Variants in MED27 observed in about 807,000 individuals in gnomAD.
MED27 encodes the protein mediator of RNA polymerase II transcription subunit 27.
Under a neutral mutation model 38.2 loss-of-function variants are expected in MED27, and 30 were observed. That is an observed-to-expected ratio of 0.79 (90% confidence interval 0.59 to 1.07). The LOEUF (loss-of-function observed/expected upper bound fraction) is 1.07. MED27 is among the 50% of genes least tolerant of loss of function. MED27 has a pLI of 0.00. For missense variants in MED27, 289 were observed against 397.5 expected (o/e 0.73, Z 2.32); for synonymous variants, 122 against 153.5 (o/e 0.79, Z 1.52).
chr9:131,926,890 A>G (rs1426567743), intron 4 of MED27, among the ~76,000 whole-genome samples: 1 of 152,232 alleles, frequency 6.6e-6, no homozygotes, highest in Non-Finnish European at 1.5e-5. Flanking sequence ...TAAAATACCA[A>G]TATATATTTT....
chr9:132,022,853 C>T (rs1445905263), intron 2 of MED27, among the ~76,000 whole-genome samples: 1 of 152,118 alleles, frequency 6.6e-6, no homozygotes, highest in Non-Finnish European at 1.5e-5. Flanking sequence ...AACGTAAAAC[C>T]GTCAGATCTC....
At chr9:132,045,221 A>G (rs2131126544) in intron 2 of MED27, among the ~76,000 whole-genome samples, 1 of 152,336 alleles carries the variant, frequency 6.6e-6, no homozygotes, top group South Asian at 2.1e-4. Flanking sequence ...ATAGATACTC[A>G]AGATTGTTCC....
intron 2 of MED27, among the ~76,000 whole-genome samples, chr9:132,054,734 A>G (rs1833539847): frequency 6.6e-6 from 1 of 152,146 alleles, no homozygotes; most frequent in Non-Finnish European, 1.5e-5. Context: ...TAAATTCCCC[A>G]GCCTTGGGTA....
chr9:132,024,250 A>G (rs1832772317), intron 2 of MED27, among the ~76,000 whole-genome samples: 1 of 152,222 alleles, frequency 6.6e-6, no homozygotes, highest in African/African-American at 2.4e-5. Context: ...ACACTCCCTA[A>G]GGCAGGCTTT....
At position 132,004,717 on chromosome 9, in the gene MED27, C is replaced by T. The variant is rs553162856; in HGVS notation, c.479+9620G>A. ...GTCTGTCCAAATTCCACCTGGTTCC[C>T]GGCCATTCAAATACCCAACACTTAC... On this transcript the variant is annotated intron_variant, in intron 3 of 7. Transcript: ENST00000292035. Among the ~76,000 whole-genome samples, 6 of 152,304 alleles carry T rather than the reference C, an allele frequency of 3.9e-5. No individual in the cohort carries two copies. In the South Asian group the frequency reaches 6.2e-4, roughly 16 times the overall value.
rs113494888 is a variant in MED27 at position 131,999,282 on chromosome 9, T to A, written c.479+15055A>T. Among the ~76,000 whole-genome samples the A allele has an allele frequency of 3.5e-3, 534 of 152,248 alleles. 3 individuals are homozygous for A. The highest frequency in any genetic ancestry group is 0.011 in the African/African-American group (477 of 41,546). Reference sequence around the variant, plus strand: ...GCTCAACCATCCATAATGAAGTCTATCTATGGGCCGGGTCCACGAAAAAGT... The same window carrying A: ...GCTCAACCATCCATAATGAAGTCTAACTATGGGCCGGGTCCACGAAAAAGT... On this transcript the variant is annotated intron_variant, in intron 3 of 7. Transcript: ENST00000292035.
intron 3 of MED27, 131 bp downstream of exon 3, chr9:132,014,206 G>T: frequency 9.8e-7 from 1 of 1,024,980 alleles, no homozygotes. Flanking sequence ...GAAAAAGTAA[G>T]ACTCCGTCTC....
intron 2 of MED27, among the ~76,000 whole-genome samples, chr9:132,069,671 G>A (rs766199366): frequency 2.0e-5 from 3 of 152,158 alleles, no homozygotes; most frequent in Non-Finnish European, 4.4e-5. Flanking sequence ...TCCATTCCTC[G>A]GATTACAATT....
At chr9:131,868,675 C>T in intron 6 of MED27, 2 of 985,498 alleles carry the variant, frequency 2.0e-6, no homozygotes, top group Non-Finnish European at 2.4e-6. Context: ...AGCCCGAACA[C>T]TGGGAGGCCC....
intron 3 of MED27, among the ~76,000 whole-genome samples, chr9:132,012,055 C>A (rs1832497460): frequency 6.6e-6 from 1 of 151,722 alleles, no homozygotes; most frequent in Admixed American, 6.6e-5. Context: ...AGGTTTCAAG[C>A]CAATGCAAAT....
At chr9:131,908,160 C>G (rs1420467527) in intron 4 of MED27, among the ~76,000 whole-genome samples, 2 of 147,062 alleles carry the variant, frequency 1.4e-5, no homozygotes, top group Non-Finnish European at 3.0e-5. Context: ...CCAGCCGCCC[C>G]GTCCAGGAGG....
chr9:131,916,474 G>A (rs548559266), intron 4 of MED27, among the ~76,000 whole-genome samples: 9 of 152,332 alleles, frequency 5.9e-5, no homozygotes, highest in African/African-American at 2.2e-4. Flanking sequence ...TGACTGCAGT[G>A]GGTTTGGAGA....
Position 131,917,571 on chromosome 9 carries a change from T to A in MED27, c.573+21810A>T, listed in dbSNP as rs542921604. On this transcript the variant is annotated intron_variant, in intron 4 of 7. Coordinates refer to ENST00000292035, the MANE Select transcript of MED27 (RefSeq NM_004269.4). This position sits in a 1 kb window ranked among gnomAD's most constrained non-coding sequence, Gnocchi z 4.6. ...CAGTGAAGATGGGGTGGGGGGCTAGTGTGCAGGGACGAGGTAGGCTGATAG... is the reference window on the plus strand; with the variant it reads ...CAGTGAAGATGGGGTGGGGGGCTAGAGTGCAGGGACGAGGTAGGCTGATAG... Among the ~76,000 whole-genome samples the A allele has an allele frequency of 8.0e-4, 121 of 152,016 alleles. No individual in the cohort carries two copies. Among genetic ancestry groups the A allele is most frequent in the Non-Finnish European group, 1.3e-3 (87 of 67,952 alleles).
At chr9:132,063,587 T>C (rs548829233) in intron 2 of MED27, among the ~76,000 whole-genome samples, 3 of 152,324 alleles carry the variant, frequency 2.0e-5, no homozygotes, top group East Asian at 1.9e-4. Flanking sequence ...TAACACGGAC[T>C]GTTCTGTTTT....
intron 2 of MED27, among the ~76,000 whole-genome samples, chr9:132,050,386 T>G (rs1209626991): frequency 6.6e-6 from 1 of 152,160 alleles, no homozygotes; most frequent in African/African-American, 2.4e-5. Context: ...AGGAGGACGC[T>G]TGTCCACGGG....
At chr9:131,950,883 C>A (rs996717515) in intron 3 of MED27, among the ~76,000 whole-genome samples, 7 of 152,134 alleles carry the variant, frequency 4.6e-5, no homozygotes, top group African/African-American at 1.7e-4. Flanking sequence ...AAATAAAGAT[C>A]CCAGAGTAAA....
At chr9:132,033,681 C>T (rs1833011569) in intron 2 of MED27, among the ~76,000 whole-genome samples, 1 of 152,214 alleles carries the variant, frequency 6.6e-6, no homozygotes, top group South Asian at 2.1e-4. Flanking sequence ...TGCTGCCTTC[C>T]TAAACTCCGG....
chr9:131,876,837 C>T (rs961606442), intron 6 of MED27, among the ~76,000 whole-genome samples: 7 of 152,212 alleles, frequency 4.6e-5, no homozygotes, highest in African/African-American at 7.2e-5. Context: ...CTACATGAAG[C>T]GGCCCATTTC....
chr9:132,032,463 A>C (rs928896628), intron 2 of MED27, among the ~76,000 whole-genome samples: 1 of 152,176 alleles, frequency 6.6e-6, no homozygotes, highest in African/African-American at 2.4e-5. Flanking sequence ...TTGTTTCAAA[A>C]CACAGGGGTT....
Sources: gnomAD v4.1 joint callset for allele counts (sites outside exome capture counted in the v4.1 genomes callset) on GRCh38, gnomAD v4.1.1 for gene constraint, Gnocchi (gnomAD v3.1) non-coding constraint, MANE v1.5 for transcripts, NCBI Gene and HGNC (gene_info 2026-07-23, HGNC 2026-07-21) for gene names.